The following RAD51B variants were observed in gnomAD, a reference collection of about 807,000 sequenced individuals.
The protein encoded by RAD51B is DNA repair protein RAD51 homolog 2.
RAD51B carries 38 observed loss-of-function variants against 42.2 expected under a neutral mutation model. The observed-to-expected ratio is 0.90, with a 90% confidence interval of 0.70 to 1.18. RAD51B has a LOEUF of 1.18. RAD51B is among the 50% of genes most tolerant of loss of function. RAD51B has a pLI of 0.00. For missense variants in RAD51B, 373 were observed against 400.7 expected (o/e 0.93, Z 0.59); for synonymous variants, 154 against 145.2 (o/e 1.06, Z -0.43).
At chr14:67,986,364 G>A (rs1157898271) in intron 7 of RAD51B, among the ~76,000 whole-genome samples, 1 of 152,076 alleles carries the variant, frequency 6.6e-6, no homozygotes, top group African/African-American at 2.4e-5. Context: ...AACAATAGAA[G>A]CATTATGTTT....
At chr14:68,488,508 C>T (rs1381166305) in intron 10 of RAD51B, among the ~76,000 whole-genome samples, 1 of 152,064 alleles carries the variant, frequency 6.6e-6, no homozygotes, top group Non-Finnish European at 1.5e-5. Context: ...TGAAAATTCC[C>T]CACCCTTTGT....
At chr14:68,415,338 G>A (rs1387399490) in intron 9 of RAD51B, among the ~76,000 whole-genome samples, 4 of 152,176 alleles carry the variant, frequency 2.6e-5, no homozygotes, top group East Asian at 1.9e-4. Context: ...AGGCTGCATC[G>A]TCAGAGGGCA....
At chr14:68,085,403 T>A (rs2076969215) in intron 7 of RAD51B, among the ~76,000 whole-genome samples, 1 of 152,084 alleles carries the variant, frequency 6.6e-6, no homozygotes, top group Non-Finnish European at 1.5e-5. Context: ...AGCAACCTTA[T>A]GAGCAGCTTT....
intron 7 of RAD51B, among the ~76,000 whole-genome samples, chr14:68,273,462 C>G (rs1282580277): frequency 6.6e-6 from 1 of 152,178 alleles, no homozygotes; most frequent in Non-Finnish European, 1.5e-5. Flanking sequence ...GCCTAAGTTC[C>G]CCTTTAAGGC....
intron 10 of RAD51B, among the ~76,000 whole-genome samples, chr14:68,494,254 TG>T (rs1219901635): frequency 4.2e-5 from 6 of 141,742 alleles, no homozygotes; most frequent in African/African-American, 1.3e-4. Context: ...CACTCCAGCC[TG>T]GGCGACAGAG....
chr14:67,925,332 G>T (rs145775287), intron 7 of RAD51B, among the ~76,000 whole-genome samples: 1 of 151,982 alleles, frequency 6.6e-6, no homozygotes, highest in African/African-American at 2.4e-5. Flanking sequence ...GTGCAGTGGC[G>T]TGTGATCTCG....
rs114761832 is a variant in RAD51B, at chr14:68,071,920, C to T, written c.756+184716C>T. Among the ~76,000 whole-genome samples the T allele has an allele frequency of 7.1e-3, 1,065 of 150,010 alleles. 12 individuals carry two copies. The highest frequency in any genetic ancestry group is 0.024 in the African/African-American group (973 of 40,606). On this transcript the variant is annotated intron_variant, in intron 7 of 10. Transcript: ENST00000471583. ...TTCTGGTTGATAGTTTTTGTATTAC[C>T]GATTCAATTTTGGAACTCATTATTG...
chr14:68,019,784 C>T (rs1024582382), intron 7 of RAD51B, among the ~76,000 whole-genome samples: 2 of 152,068 alleles, frequency 1.3e-5, no homozygotes, highest in Non-Finnish European at 2.9e-5. Flanking sequence ...ATTTCTTGTT[C>T]GTTCTTACCG....
chr14:68,531,778 C>T (rs1476189262), intron 10 of RAD51B, among the ~76,000 whole-genome samples: 2 of 152,078 alleles, frequency 1.3e-5, no homozygotes, highest in Non-Finnish European at 2.9e-5. Context: ...GCAGGAGAAT[C>T]ACTTGAGTTC....
Position 68,063,942 on chromosome 14 carries a change from G to A in RAD51B, c.756+176738G>A, listed in dbSNP as rs376444916. ...TTCTGCTGTTTTATATGTCCTTTTT[G>A]TCTTTTTCCTTTTTCTTAATTGTTT... On this transcript the variant is annotated intron_variant, in intron 7 of 10. Transcript: ENST00000471583. 1.8e-3 allele frequency among the ~76,000 whole-genome samples: 276 copies of A among 152,130 alleles called. 15 individuals are homozygous for A. The South Asian group carries it at 0.057, about 31-fold the overall frequency.
At chr14:68,556,841 A>T (rs1348714250) in intron 10 of RAD51B, among the ~76,000 whole-genome samples, 2 of 152,062 alleles carry the variant, frequency 1.3e-5, no homozygotes, top group East Asian at 3.9e-4. Context: ...GCGCCTGCAT[A>T]CCCTTCCTGC....
intron 7 of RAD51B, among the ~76,000 whole-genome samples, chr14:67,948,931 CAAAAAAAAAAAAAAAA>C (rs59465805): frequency 1.2e-4 from 2 of 17,070 alleles, no homozygotes; most frequent in African/African-American, 3.8e-4. Context: ...GACTCTGTCT[CAAAAAAAAAAAAAAAA>C]AAAAAAAAAA....
chr14:68,216,198 C>G (rs1339522690), intron 7 of RAD51B, among the ~76,000 whole-genome samples: 2 of 152,224 alleles, frequency 1.3e-5, no homozygotes, highest in African/African-American at 2.4e-5. Flanking sequence ...CCAGCTTAGT[C>G]TCTTCCTAAA....
intron 7 of RAD51B, among the ~76,000 whole-genome samples, chr14:68,081,927 G>A (rs745441781): frequency 3.9e-5 from 6 of 152,058 alleles, no homozygotes; most frequent in Non-Finnish European, 5.9e-5. Context: ...TAACAATTAT[G>A]TGATGTTTTG....
intron 3 of RAD51B, among the ~76,000 whole-genome samples, chr14:67,826,666 G>A (rs1416812420): frequency 6.6e-6 from 1 of 151,706 alleles, no homozygotes; most frequent in East Asian, 1.9e-4. Flanking sequence ...ACAGATATTT[G>A]AACAACAGAT....
At chr14:68,436,140 C>T (rs184166706) in intron 9 of RAD51B, among the ~76,000 whole-genome samples, 32 of 152,160 alleles carry the variant, frequency 2.1e-4, no homozygotes, top group Admixed American at 1.8e-3. Flanking sequence ...TTCTAGGATT[C>T]TTATAGTTTG....
intron 7 of RAD51B, among the ~76,000 whole-genome samples, chr14:68,214,274 C>CA (rs1040343440): frequency 1.3e-5 from 2 of 152,070 alleles, no homozygotes; most frequent in African/African-American, 2.4e-5. Flanking sequence ...TGGGCTGAAA[C>CA]AAAAAAGATC....
chr14:68,571,511 G>A (rs978575011), intron 10 of RAD51B, among the ~76,000 whole-genome samples: 15 of 152,152 alleles, frequency 9.9e-5, no homozygotes, highest in Admixed American at 5.9e-4. Context: ...ACAGCTCTCC[G>A]ACCAATCATT....
chr14:67,826,760 G>T (rs552245612), intron 3 of RAD51B, among the ~76,000 whole-genome samples: 9 of 150,470 alleles, frequency 6.0e-5, no homozygotes, highest in Admixed American at 2.7e-4. Context: ...TCGGCTCAGT[G>T]CAGCCTCCGC....
Sources: allele counts gnomAD v4.1 joint callset (sites outside exome capture counted in the v4.1 genomes callset), GRCh38; gene constraint gnomAD v4.1.1; transcripts MANE v1.5; gene names NCBI Gene and HGNC (gene_info 2026-07-23, HGNC 2026-07-21).